DZIP1: variants seen among roughly 807,000 people sequenced by gnomAD.
DZIP1 encodes DAZ interacting zinc finger protein 1, also known as cilium assembly protein DZIP1.
DZIP1 carries 97 observed loss-of-function variants against 107.6 expected under a neutral mutation model. The ratio of observed to expected loss-of-function variants is 0.90; its 90% CI spans 0.77 to 1.07. The LOEUF (loss-of-function observed/expected upper bound fraction) is 1.07. DZIP1 is among the 50% of genes least tolerant of loss of function. The pLI, the probability that DZIP1 is intolerant of heterozygous loss-of-function variation, is 0.00. For missense variants in DZIP1, 1,035 were observed against 1,063.6 expected (o/e 0.97, Z 0.37); for synonymous variants, 390 against 386.4 (o/e 1.01, Z -0.11).
intron 14 of DZIP1, among the ~76,000 whole-genome samples, chr13:95,603,847 A>T (rs1594675408): frequency 6.6e-6 from 1 of 152,200 alleles, no homozygotes; most frequent in African/African-American, 2.4e-5. Context: ...GCAGGGAGCC[A>T]TCAGGGTTCC....
chr13:95,589,982 G>C (rs758638446), intron 17 of DZIP1, 50 bp from the exon 18 acceptor site: 2 of 1,595,680 alleles, frequency 1.3e-6, no homozygotes, highest in Non-Finnish European at 1.7e-6. Flanking sequence ...TGATCAGTAA[G>C]TGAAAAGCAA....
intron 6 of DZIP1, among the ~76,000 whole-genome samples, 169 bp from the exon 7 acceptor site, chr13:95,630,282 C>A (rs1288921268): frequency 6.6e-6 from 1 of 152,086 alleles, no homozygotes; most frequent in Non-Finnish European, 1.5e-5. Flanking sequence ...TTATTTGGAG[C>A]CCAGTGTATT....
chr13:95,612,037 C>T lies in DZIP1; in HGVS notation c.1314G>A (p.Gln438=), dbSNP rs145128264. 30 of 1,613,152 alleles carry T rather than the reference C, an allele frequency of 1.9e-5. No individual in the cohort carries two copies. Among genetic ancestry groups the T allele is most frequent in the Admixed American group, 3.3e-5 (2 of 59,938 alleles). ...GGTGCCACACTGCCGCCAGACATAC[C>T]TGCTGTCTCTGAGTTATAATCAGCT... is the stretch of plus-strand genomic sequence containing the variant. ...QNELIITQRQ[Q]IKDFTCNPLN... The change falls in exon 11 of 23, where the codon CAG becomes CAA. Residue 438 remains glutamine (Q), a splice_region_variant and synonymous_variant. Transcript: ENST00000376829.
intron 19 of DZIP1, 114 bp downstream of exon 19, chr13:95,589,040 A>G (rs1048373870): frequency 1.2e-6 from 1 of 852,036 alleles, no homozygotes; most frequent in Non-Finnish European, 1.9e-6. Context: ...ACAAATTATG[A>G]TATTAAATAA....
Position 95,590,395 on chromosome 13 carries a change from C to A in DZIP1, c.1727G>T (p.Ser576Ile), listed in dbSNP as rs370244086. 34 of 1,613,202 alleles carry A rather than the reference C, an allele frequency of 2.1e-5. No individual in the cohort carries two copies. The Admixed American group carries it at 4.8e-4, about 23-fold the overall frequency. Reference sequence around the variant, plus strand: ...TTGCTTATGTCTTTCTGATTCCACACTTTTTAGTACTCTATGCAACTGATC... The same window carrying A: ...TTGCTTATGTCTTTCTGATTCCACAATTTTTAGTACTCTATGCAACTGATC... ...SSDQLHRVLK[S>I]VESERHKQER... is the part of the protein sequence containing the mutation. The change falls in exon 17 of 23, where the codon AGT (serine) becomes ATT (isoleucine). Residue 576 changes from serine (S) to isoleucine (I), a missense_variant. Coordinates refer to ENST00000376829, the MANE Select transcript of DZIP1 (RefSeq NM_198968.4).
intron 19 of DZIP1, 141 bp downstream of exon 19, chr13:95,589,013 C>T (rs974851441): frequency 5.3e-6 from 4 of 756,852 alleles, no homozygotes; most frequent in Non-Finnish European, 8.8e-6. Context: ...TCACAAATAA[C>T]ATATCACAAA....
chr13:95,617,529 G>A (rs1411324665), intron 10 of DZIP1, among the ~76,000 whole-genome samples: 1 of 152,134 alleles, frequency 6.6e-6, no homozygotes, highest in Admixed American at 6.5e-5. Flanking sequence ...TTGCTACACA[G>A]AATAGAAAAC....
chr13:95,606,728 A>C (rs991319599), intron 13 of DZIP1, among the ~76,000 whole-genome samples: 2 of 152,242 alleles, frequency 1.3e-5, no homozygotes, highest in African/African-American at 4.8e-5. Context: ...CCAGTTTTAA[A>C]AAGTACTCTA....
At chr13:95,586,231 T>A in intron 20 of DZIP1, 95 bp from the exon 21 acceptor site, 1 of 1,055,756 alleles carries the variant, frequency 9.5e-7, no homozygotes, top group Non-Finnish European at 1.3e-6. Context: ...TGAAAGAGTC[T>A]AAGCTTTGGA....
chr13:95,642,536 C>T (rs892689805), intron 3 of DZIP1, among the ~76,000 whole-genome samples: 1 of 152,160 alleles, frequency 6.6e-6, no homozygotes, highest in South Asian at 2.1e-4. Context: ...TCTATTCATC[C>T]TCATCTTTTA....
intron 5 of DZIP1, among the ~76,000 whole-genome samples, chr13:95,634,457 C>G (rs1877564631): frequency 6.6e-6 from 1 of 152,168 alleles, no homozygotes; most frequent in Non-Finnish European, 1.5e-5. Context: ...GAGGGCAGGG[C>G]CTCTAGCTTT....
intron 16 of DZIP1, among the ~76,000 whole-genome samples, chr13:95,592,227 C>G (rs912699710): frequency 1.3e-5 from 2 of 151,804 alleles, no homozygotes; most frequent in Non-Finnish European, 2.9e-5. Flanking sequence ...AGCAAAACAA[C>G]AAACAAAAAA....
chr13:95,589,721 C>T, intron 18 of DZIP1, 82 bp downstream of exon 18: 1 of 1,505,826 alleles, frequency 6.6e-7, no homozygotes, highest in South Asian at 1.4e-5. Flanking sequence ...TCTGTGAAGC[C>T]ACCCAGTCTA....
At chr13:95,582,717 G>A (rs1285259580) in intron 22 of DZIP1, among the ~76,000 whole-genome samples, 4 of 152,322 alleles carry the variant, frequency 2.6e-5, no homozygotes, top group East Asian at 3.9e-4. Context: ...CAAGTAAAGT[G>A]TTAAAAACAT....
intron 14 of DZIP1, among the ~76,000 whole-genome samples, chr13:95,604,007 C>A (rs1306577623): frequency 6.6e-6 from 1 of 152,230 alleles, no homozygotes; most frequent in Admixed American, 6.5e-5. Flanking sequence ...CAATGGCCCA[C>A]CCCTGCCTCA....
chr13:95,635,197 C>T (rs938337413), intron 5 of DZIP1, among the ~76,000 whole-genome samples: 3 of 101,800 alleles, frequency 2.9e-5, no homozygotes. Flanking sequence ...CTGCATATTT[C>T]CTTTTTTTTT....
Position 95,641,900 on chromosome 13 carries a change from G to A in DZIP1, c.37-45C>T, listed in dbSNP as rs760853914. On this transcript the variant is annotated intron_variant, in intron 4 of 22. Coordinates refer to ENST00000376829, the MANE Select transcript of DZIP1 (RefSeq NM_198968.4). This position sits in a 1 kb window ranked among gnomAD's most constrained non-coding sequence, Gnocchi z 4.3. ...AGCGCGGCGGGAGGCGGGGATGGGG[G>A]GCGGGCAGGCTGGGGAGCTGGGGGT... 6.9e-6 allele frequency: 10 copies of A among 1,443,510 alleles called. No homozygotes were observed. In the South Asian group the frequency reaches 1.3e-4, roughly 19 times the overall value. The allele number at this position is 1,443,510 out of a possible 1,614,324, so 89.4% of individuals were successfully genotyped here.
At chr13:95,595,802 G>C (rs975577081) in intron 15 of DZIP1, among the ~76,000 whole-genome samples, 2 of 152,098 alleles carry the variant, frequency 1.3e-5, no homozygotes, top group Non-Finnish European at 2.9e-5. Flanking sequence ...CCTAAAAAGA[G>C]GCTCTGGGCC....
chr13:95,578,349 G>A lies in DZIP1; in HGVS notation c.*3885C>T, dbSNP rs2043967423. 6.0e-6 allele frequency: 1 copy of A among 166,142 alleles called. No individual in the cohort carries two copies. The highest frequency in any genetic ancestry group is 2.4e-5 in the African/African-American group (1 of 41,748). 10.3% of individuals were successfully genotyped at this position (166,142 alleles called of 1,614,324 possible). A position where few individuals can be genotyped will look rare whatever the true frequency, so the allele number is the denominator to read the frequency against. ...TAATCATTCATAGATAGAAGTCTTT[G>A]TACCCACTCCTTATGTTTCTTTTCA... On this transcript the variant is annotated 3_prime_UTR_variant, in exon 23 of 23. Transcript: ENST00000376829.
Sources: allele counts gnomAD v4.1 joint callset (sites outside exome capture counted in the v4.1 genomes callset), GRCh38; gene constraint gnomAD v4.1.1; non-coding constraint Gnocchi (gnomAD v3.1); transcripts MANE v1.5; gene names NCBI Gene and HGNC (gene_info 2026-07-23, HGNC 2026-07-21).